Variants in IFNAR2 observed in about 807,000 individuals in gnomAD.
IFNAR2 encodes interferon alpha and beta receptor subunit 2.
In IFNAR2, 30 loss-of-function variants were observed where a neutral mutation model predicts 49.4. The observed-to-expected ratio is 0.61, with a 90% CI of 0.45 to 0.82. IFNAR2 has a LOEUF of 0.82. Among genes scored for constraint, IFNAR2 ranks in the 40% least tolerant of loss-of-function variants. The probability of loss-of-function intolerance (pLI) is 0.00; values close to 1 mark genes in which losing one functional copy is unlikely to be tolerated. For synonymous variants in IFNAR2, 224 were observed against 234.5 expected (o/e 0.96, Z 0.41); for missense variants, 600 against 622.7 (o/e 0.96, Z 0.39).
In IFNAR2 at chr21:33,265,379, AGGACTTTAAATAGATTATTT is replaced by A. The variant is rs1650644297; in HGVS notation, c.*1880_*1899del. 2 of 152,572 alleles carry A rather than the reference AGGACTTTAAATAGATTATTT, an allele frequency of 1.3e-5. No individual in the cohort carries two copies. The highest frequency in any genetic ancestry group is 6.5e-5 in the Admixed American group (1 of 15,320). 9.5% of individuals were successfully genotyped at this position (152,572 alleles called of 1,614,324 possible). On this transcript the variant is annotated 3_prime_UTR_variant, in exon 9 of 9. Transcript: ENST00000342136. ...TAAAAATTATACAAGTTATAGTTCA[AGGACTTTAAATAGATTATTT>A]ATATGATTGCTCATAAGGATGAGGC... is the stretch of plus-strand genomic sequence containing the variant.
In IFNAR2 at chr21:33,262,988, C is replaced by T. The variant is rs148519830; in HGVS notation, c.1036C>T (p.Pro346Ser). The change falls in exon 9 of 9, where the codon CCT becomes TCT. Residue 346 changes from proline (P) to serine (S), a missense_variant. Transcript: ENST00000342136. Reference protein sequence around the residue: ...GYTMHGLTVRPLGQASATSTE... With the variant: ...GYTMHGLTVRSLGQASATSTE... ...TACCATGCATGGACTGACTGTCAGG[C>T]CTCTGGGTCAGGCCTCTGCCACCTC... 49 of 1,614,020 alleles carry T rather than the reference C, an allele frequency of 3.0e-5. No homozygotes were observed. Among genetic ancestry groups the T allele is most frequent in the Middle Eastern group, 1.6e-4 (1 of 6,084 alleles).
chr21:33,239,573 A>G (rs565796728), intron 1 of IFNAR2, among the ~76,000 whole-genome samples: 54 of 150,454 alleles, frequency 3.6e-4, no homozygotes, highest in African/African-American at 1.2e-3. Flanking sequence ...ACAGCCCTCA[A>G]TGTTGTGAGC....
At chr21:33,253,764 G>C (rs1158596561) in intron 7 of IFNAR2, among the ~76,000 whole-genome samples, 1 of 152,178 alleles carries the variant, frequency 6.6e-6, no homozygotes, top group East Asian at 1.9e-4. Context: ...AGACCATGTA[G>C]GGTAACTTCC....
At chr21:33,252,144 G>C (rs1312038892) in intron 6 of IFNAR2, 1 of 468,766 alleles carries the variant, frequency 2.1e-6, no homozygotes, top group African/African-American at 2.0e-5. Context: ...AAAGGGAGAA[G>C]ATGAGAAACT....
At position 33,230,822 on chromosome 21, in the gene IFNAR2, A is replaced by G. The variant is rs1013714964; in HGVS notation, c.-84+606A>G. ...CGGAGACAGAAGGGTGCACCCTCCC[A>G]GGGTCGGAGAGGGGAGATACTGGGA... On this transcript the variant is annotated intron_variant, in intron 1 of 8. Transcript: ENST00000342136. This position sits in a 1 kb window ranked among gnomAD's most constrained non-coding sequence, Gnocchi z 5.5. Among the ~76,000 whole-genome samples the G allele has an allele frequency of 1.1e-4, 17 of 152,090 alleles. No homozygotes were observed. The highest frequency in any genetic ancestry group is 1.0e-3 in the Admixed American group (16 of 15,268).
chr21:33,261,470 T>C (rs1257374434), intron 8 of IFNAR2, among the ~76,000 whole-genome samples: 1 of 152,250 alleles, frequency 6.6e-6, no homozygotes, highest in East Asian at 1.9e-4. Context: ...CTTTTCCTTT[T>C]CTTTTCTTTG....
chr21:33,251,946 G>A (rs2123501239), intron 6 of IFNAR2: 1 of 167,362 alleles, frequency 6.0e-6, no homozygotes, highest in South Asian at 2.0e-4. Context: ...AGCCAGGCAT[G>A]GTGGCGGGCA....
In IFNAR2 at chr21:33,263,568, TTGC is replaced by T; in HGVS notation, c.*72_*74del. On this transcript the variant is annotated 3_prime_UTR_variant, in exon 9 of 9. Transcript: ENST00000342136. Reference sequence around the variant, plus strand: ...GGGTTCTTTGTCTCTGCATCCTAACTTGCTGCCTTATCGTCTGCAAGTGTTCTC... The same window carrying T: ...GGGTTCTTTGTCTCTGCATCCTAACTTGCCTTATCGTCTGCAAGTGTTCTC... 4.1e-6 allele frequency: 6 copies of T among 1,450,424 alleles called. No individual in the cohort carries two copies. Among genetic ancestry groups the T allele is most frequent in the Non-Finnish European group, 5.5e-6 (6 of 1,084,874 alleles). The allele number at this position is 1,450,424 out of a possible 1,614,324, so 89.8% of individuals were successfully genotyped here. A position where few individuals can be genotyped will look rare whatever the true frequency, so the allele number is the denominator to read the frequency against.
chr21:33,246,261 G>T (rs1227878513), intron 4 of IFNAR2, among the ~76,000 whole-genome samples: 1 of 152,010 alleles, frequency 6.6e-6, no homozygotes, highest in Non-Finnish European at 1.5e-5. Context: ...TAGTAGAGAC[G>T]GGGTTTCACC....
chr21:33,241,986 T>C lies in IFNAR2; in HGVS notation c.55+9T>C. ...TAATTTGGTTCTCATGGGTAAGTGC[T>C]GCTTTTTATCTTAGCTCTTATAGAA... On this transcript the variant is annotated intron_variant, in intron 2 of 8. Coordinates refer to ENST00000342136, the MANE Select transcript of IFNAR2 (RefSeq NM_001289125.3). The C allele has an allele frequency of 1.2e-6, 2 of 1,610,378 alleles. No homozygotes were observed. Among genetic ancestry groups the C allele is most frequent in the Non-Finnish European group, 1.7e-6 (2 of 1,178,632 alleles).
rs533577929 is a variant in IFNAR2, at chr21:33,244,549, G to T, written c.98-402G>T. Among the ~76,000 whole-genome samples the T allele has an allele frequency of 3.9e-5, 6 of 152,312 alleles. No individual in the cohort carries two copies. The South Asian group carries it at 1.2e-3, about 32-fold the overall frequency. Reference sequence around the variant, plus strand: ...TACTTAAGGAGGACTTCATGGAGGAGCTGGGAGCAGAGTTGAGAGAACGGC... The same window carrying T: ...TACTTAAGGAGGACTTCATGGAGGATCTGGGAGCAGAGTTGAGAGAACGGC... On this transcript the variant is annotated intron_variant, in intron 3 of 8. Coordinates refer to ENST00000342136, the MANE Select transcript of IFNAR2 (RefSeq NM_001289125.3).
At chr21:33,239,707 T>TA (rs1355206380) in intron 1 of IFNAR2, among the ~76,000 whole-genome samples, 1 of 138,440 alleles carries the variant, frequency 7.2e-6, no homozygotes, top group African/African-American at 2.8e-5. Flanking sequence ...CCCAGAATGT[T>TA]ACAGCCCTCA....
At chr21:33,232,258 CCTT>C (rs914686240) in intron 1 of IFNAR2, among the ~76,000 whole-genome samples, 2 of 152,102 alleles carry the variant, frequency 1.3e-5, no homozygotes, top group East Asian at 1.9e-4. Flanking sequence ...CCCTGAGGGT[CCTT>C]CTTCTTCCTT....
intron 8 of IFNAR2, among the ~76,000 whole-genome samples, chr21:33,261,223 G>T (rs1008626821): frequency 2.0e-5 from 3 of 151,764 alleles, no homozygotes; most frequent in African/African-American, 7.3e-5. Flanking sequence ...TTTTAGTAGA[G>T]ATGGGGTTTT....
chr21:33,252,138 GGAGAAGAT>G, intron 6 of IFNAR2: 1 of 461,878 alleles, frequency 2.2e-6, no homozygotes, highest in Non-Finnish European at 4.5e-6. Context: ...ATTGATAAAG[GGAGAAGAT>G]GAGAAACTAG....
In IFNAR2 at chr21:33,251,777, G is replaced by T. The variant is rs1039906540; in HGVS notation, c.541-885G>T. On this transcript the variant is annotated intron_variant, in intron 6 of 8. Transcript: ENST00000342136. Reference sequence around the variant, plus strand: ...AGTGAAATGCAACTACAGGAAAGAAGAGGCAAGGTGTTTAAAGGGAGATGG... The same window carrying T: ...AGTGAAATGCAACTACAGGAAAGAATAGGCAAGGTGTTTAAAGGGAGATGG... 1.8e-5 allele frequency: 18 copies of T among 985,156 alleles called. No homozygotes were observed. The African/African-American group carries it at 3.0e-4, about 16-fold the overall frequency. 61.0% of individuals were successfully genotyped at this position (985,156 alleles called of 1,614,324 possible).
chr21:33,260,338 G>GT (rs1426556935), intron 7 of IFNAR2, among the ~76,000 whole-genome samples: 1 of 152,188 alleles, frequency 6.6e-6, no homozygotes, highest in African/African-American at 2.4e-5. Flanking sequence ...GCTGCAGCCA[G>GT]TGGCTACTCC....
intron 7 of IFNAR2, 148 bp from the exon 8 acceptor site, chr21:33,260,449 A>G (rs531431183): frequency 1.6e-6 from 1 of 620,294 alleles, no homozygotes. Flanking sequence ...ATAATTCTCC[A>G]GTCTCTGGTA....
intron 1 of IFNAR2, among the ~76,000 whole-genome samples, chr21:33,236,411 G>T (rs373508319): frequency 6.6e-6 from 1 of 152,160 alleles, no homozygotes; most frequent in Non-Finnish European, 1.5e-5. Context: ...ACAGTGTAGT[G>T]GCCACGTCCA....
Sources: gnomAD v4.1 joint callset for allele counts (sites outside exome capture counted in the v4.1 genomes callset) on GRCh38, gnomAD v4.1.1 for gene constraint, Gnocchi (gnomAD v3.1) non-coding constraint, MANE v1.5 for transcripts, NCBI Gene and HGNC (gene_info 2026-07-23, HGNC 2026-07-21) for gene names.